The following NALF1 variants were observed in gnomAD, a reference collection of about 807,000 sequenced individuals.
The protein encoded by NALF1 is family with sequence similarity 155 member A.
NALF1 carries 3 observed loss-of-function variants against 48.4 expected under a neutral mutation model. The ratio of observed to expected loss-of-function variants is 0.06; its 90% CI spans 0.03 to 0.16. The LOEUF is 0.16. NALF1 is among the 10% of genes least tolerant of loss of function. The pLI is 1.00. For synonymous variants in NALF1, 262 were observed against 245.7 expected (o/e 1.07, Z -0.62); for missense variants, 526 against 571.5 (o/e 0.92, Z 0.81).
chr13:107,537,177 T>C (rs1184031641), intron 1 of NALF1, among the ~76,000 whole-genome samples: 1 of 152,006 alleles, frequency 6.6e-6, no homozygotes. Flanking sequence ...CATGTATACA[T>C]ATGTAACAAA....
chr13:107,609,207 G>C (rs528936809), intron 1 of NALF1, among the ~76,000 whole-genome samples: 7 of 152,214 alleles, frequency 4.6e-5, no homozygotes, highest in African/African-American at 1.4e-4. Context: ...GGCCAGAGGG[G>C]CTGTCCTCTA....
chr13:107,367,580 A>G (rs959081055), intron 1 of NALF1, among the ~76,000 whole-genome samples: 2 of 152,314 alleles, frequency 1.3e-5, no homozygotes, highest in Non-Finnish European at 2.9e-5. Context: ...AGCAGGACAC[A>G]CACAAGGCCT....
intron 1 of NALF1, among the ~76,000 whole-genome samples, chr13:107,634,320 G>A (rs1879917025): frequency 6.6e-6 from 1 of 151,980 alleles, no homozygotes; most frequent in South Asian, 2.1e-4. Flanking sequence ...TGGGTACAAT[G>A]TATGTTACAC....
intron 1 of NALF1, among the ~76,000 whole-genome samples, chr13:107,763,029 T>C (rs563529398): frequency 3.4e-5 from 5 of 148,944 alleles, no homozygotes; most frequent in Admixed American, 6.9e-5. Context: ...AATGCACACA[T>C]CTGTTTGATA....
chr13:107,262,323 G>A (rs1429919299), intron 1 of NALF1, among the ~76,000 whole-genome samples: 2 of 152,154 alleles, frequency 1.3e-5, no homozygotes, highest in Non-Finnish European at 2.9e-5. Context: ...GCTGAGACAG[G>A]AGGATCACTT....
intron 1 of NALF1, among the ~76,000 whole-genome samples, chr13:107,525,191 AT>A (rs1233410459): frequency 1.3e-5 from 2 of 152,024 alleles, no homozygotes; most frequent in African/African-American, 2.4e-5. Context: ...ACACATGGAG[AT>A]TTCTGTAACT....
intron 1 of NALF1, among the ~76,000 whole-genome samples, chr13:107,775,301 C>A (rs532541220): frequency 3.4e-5 from 5 of 146,138 alleles, no homozygotes; most frequent in African/African-American, 1.3e-4. Flanking sequence ...TGAGAATATG[C>A]GGTGTTTGGT....
chr13:107,504,761 C>T (rs1875641208), intron 1 of NALF1, among the ~76,000 whole-genome samples: 1 of 152,154 alleles, frequency 6.6e-6, no homozygotes, highest in South Asian at 2.1e-4. Flanking sequence ...TCTCCAGTTG[C>T]CATCATTGCA....
At chr13:107,821,108 C>T (rs960713711) in intron 1 of NALF1, among the ~76,000 whole-genome samples, 4 of 152,034 alleles carry the variant, frequency 2.6e-5, no homozygotes, top group African/African-American at 7.2e-5. Flanking sequence ...TCCTTAAGGA[C>T]TGAAAGTATT....
chr13:107,510,697 A>G (rs1257749080), intron 1 of NALF1, among the ~76,000 whole-genome samples: 1 of 152,140 alleles, frequency 6.6e-6, no homozygotes, highest in African/African-American at 2.4e-5. Flanking sequence ...CTGCGGCTGA[A>G]CTCAATTTCA....
rs577281124 is a variant in NALF1 at position 107,448,516 on chromosome 13, A to G, written c.916-237761T>C. ...AGTAGGATATTTATATAATATTTACATGGAAGTTTTGGGAAGGGTAATGTC... is the reference window on the plus strand; with the variant it reads ...AGTAGGATATTTATATAATATTTACGTGGAAGTTTTGGGAAGGGTAATGTC... On this transcript the variant is annotated intron_variant, in intron 1 of 2. Coordinates refer to ENST00000375915, the MANE Select transcript of NALF1 (RefSeq NM_001080396.3). Among the ~76,000 whole-genome samples, 6 of 152,300 alleles carry G rather than the reference A, an allele frequency of 3.9e-5. No homozygotes were observed. The South Asian group carries it at 1.2e-3, about 32-fold the overall frequency.
At chr13:107,849,119 G>A (rs1259798365) in intron 1 of NALF1, among the ~76,000 whole-genome samples, 1 of 152,152 alleles carries the variant, frequency 6.6e-6, no homozygotes, top group South Asian at 2.1e-4. Flanking sequence ...GCATAATGAT[G>A]ACCATTAGGG....
At chr13:107,656,274 T>C (rs958014613) in intron 1 of NALF1, among the ~76,000 whole-genome samples, 1 of 151,946 alleles carries the variant, frequency 6.6e-6, no homozygotes. Flanking sequence ...AAAGAACTAA[T>C]ATCCAGAATC....
chr13:107,277,456 GC>G (rs984701037), intron 1 of NALF1, among the ~76,000 whole-genome samples: 47 of 152,228 alleles, frequency 3.1e-4, no homozygotes, highest in African/African-American at 1.1e-3. Context: ...CAGAAGGAAA[GC>G]TTTCTATCCC....
At chr13:107,384,349 C>T (rs1041397693) in intron 1 of NALF1, among the ~76,000 whole-genome samples, 1 of 152,118 alleles carries the variant, frequency 6.6e-6, no homozygotes, top group African/African-American at 2.4e-5. Flanking sequence ...TGTCCATGTA[C>T]CTTTACAGAA....
chr13:107,395,809 C>G (rs562319062), intron 1 of NALF1, among the ~76,000 whole-genome samples: 1 of 152,176 alleles, frequency 6.6e-6, no homozygotes, highest in African/African-American at 2.4e-5. Flanking sequence ...GTAATTTTCC[C>G]TCTGTATGTG....
At chr13:107,653,482 TA>T (rs201011969) in intron 1 of NALF1, among the ~76,000 whole-genome samples, 2 of 13,100 alleles carry the variant, frequency 1.5e-4, no homozygotes, top group Non-Finnish European at 7.5e-3. Context: ...AGCAGAGAGG[TA>T]TTTTTTTTTT....
At chr13:107,479,901 T>A (rs1885228624) in intron 1 of NALF1, among the ~76,000 whole-genome samples, 1 of 152,100 alleles carries the variant, frequency 6.6e-6, no homozygotes, top group Admixed American at 6.6e-5. Flanking sequence ...TCACACACAG[T>A]TACTTCCATT....
chr13:107,537,429 A>T (rs1047120884), intron 1 of NALF1, among the ~76,000 whole-genome samples: 4 of 152,142 alleles, frequency 2.6e-5, no homozygotes, highest in Non-Finnish European at 4.4e-5. Flanking sequence ...CCAATGAAGG[A>T]TATGAATGGA....
Sources: allele counts gnomAD v4.1 joint callset (sites outside exome capture counted in the v4.1 genomes callset), GRCh38; gene constraint gnomAD v4.1.1; transcripts MANE v1.5; gene names NCBI Gene and HGNC (gene_info 2026-07-23, HGNC 2026-07-21).